Variants in PCNX1 observed in about 807,000 individuals in gnomAD.
The protein encoded by PCNX1 is pecanex-like protein 1.
A neutral mutation model predicts 242.2 loss-of-function variants in PCNX1; 78 were observed. The observed-to-expected ratio is 0.32, with a 90% confidence interval of 0.27 to 0.39. PCNX1 has a LOEUF of 0.39. Ranked by LOEUF, PCNX1 falls within the 10% of genes least tolerant of loss-of-function variation. The pLI, the probability that PCNX1 is intolerant of heterozygous loss-of-function variation, is 1.00. For synonymous variants in PCNX1, 1,024 were observed against 1,032.9 expected, an observed-to-expected ratio of 0.99 and a Z score of 0.17; for missense variants, 2,581 against 2,856.5, an observed-to-expected ratio of 0.90 and a Z score of 2.20.
chr14:70,989,865 G>A (rs760923439), intron 7 of PCNX1, among the ~76,000 whole-genome samples: 2 of 152,138 alleles, frequency 1.3e-5, no homozygotes, highest in South Asian at 4.1e-4. Flanking sequence ...ACATATGCCT[G>A]CTTAAGCAGT....
At chr14:71,039,682 C>T (rs993497829) in intron 19 of PCNX1, among the ~76,000 whole-genome samples, 2 of 152,160 alleles carry the variant, frequency 1.3e-5, no homozygotes, top group African/African-American at 4.8e-5. Context: ...CTACCACAGT[C>T]CATCAGTAGA....
chr14:70,982,665 A>G (rs184232977), intron 6 of PCNX1, among the ~76,000 whole-genome samples: 42 of 152,362 alleles, frequency 2.8e-4, no homozygotes, highest in African/African-American at 9.4e-4. Flanking sequence ...CCTTTACAAC[A>G]ATATCAAGAA....
intron 5 of PCNX1, among the ~76,000 whole-genome samples, chr14:70,970,774 C>A (rs1485397240): frequency 1.3e-5 from 2 of 152,178 alleles, no homozygotes; most frequent in Non-Finnish European, 2.9e-5. Context: ...TGAAAGGAGT[C>A]ATAAACGATA....
intron 1 of PCNX1, among the ~76,000 whole-genome samples, chr14:70,932,198 T>A (rs115085498): frequency 0.011 from 1,608 of 152,266 alleles, 13 homozygotes; most frequent in South Asian, 0.017. Context: ...AAACGAAACT[T>A]TTTCAACTTT....
At chr14:70,932,630 G>T (rs1253536313) in intron 1 of PCNX1, among the ~76,000 whole-genome samples, 1 of 149,672 alleles carries the variant, frequency 6.7e-6, no homozygotes, top group Non-Finnish European at 1.5e-5. Flanking sequence ...TTTATTTTTT[G>T]AGATGGAATT....
intron 1 of PCNX1, among the ~76,000 whole-genome samples, chr14:70,909,582 A>G (rs556821246): frequency 3.3e-5 from 5 of 152,356 alleles, no homozygotes; most frequent in Non-Finnish European, 7.3e-5. Flanking sequence ...TGCTGGGTCC[A>G]GTGTAAGATT....
intron 1 of PCNX1, among the ~76,000 whole-genome samples, chr14:70,919,726 C>T (rs1298139241): frequency 2.3e-5 from 1 of 44,388 alleles, no homozygotes; most frequent in Non-Finnish European, 7.6e-5. Context: ...CCCCCCCCCC[C>T]CCCACCAAAT....
intron 2 of PCNX1, among the ~76,000 whole-genome samples, chr14:70,959,560 C>G (rs1388856141): frequency 6.6e-6 from 1 of 151,814 alleles, no homozygotes; most frequent in South Asian, 2.1e-4. Flanking sequence ...GACAGGAACT[C>G]ATCATTTTTT....
chr14:70,914,834 T>C (rs1351857288), intron 1 of PCNX1, among the ~76,000 whole-genome samples: 2 of 152,186 alleles, frequency 1.3e-5, no homozygotes, highest in African/African-American at 4.8e-5. Context: ...CAATCTTCAG[T>C]GAACCATTCG....
chr14:71,089,405 CAAT>C (rs2062071033), intron 30 of PCNX1, 63 bp downstream of exon 30: 2 of 1,220,628 alleles, frequency 1.6e-6, no homozygotes, highest in African/African-American at 1.5e-5. Flanking sequence ...CACATGATTT[CAAT>C]ATTAGTCCAT....
chr14:71,058,962 CA>C (rs1469583953), intron 26 of PCNX1, among the ~76,000 whole-genome samples: 1 of 152,176 alleles, frequency 6.6e-6, no homozygotes, highest in African/African-American at 2.4e-5. Context: ...TAGGCTCATC[CA>C]AAAGTTAGCA....
intron 6 of PCNX1, among the ~76,000 whole-genome samples, chr14:70,981,184 A>G (rs933615530): frequency 6.6e-6 from 1 of 152,148 alleles, no homozygotes; most frequent in Non-Finnish European, 1.5e-5. Flanking sequence ...AGGACTAAGG[A>G]GTTAAGTTCC....
intron 2 of PCNX1, among the ~76,000 whole-genome samples, chr14:70,950,231 A>G (rs1331625526): frequency 6.6e-6 from 1 of 152,138 alleles, no homozygotes; most frequent in Non-Finnish European, 1.5e-5. Context: ...TGCATTGATG[A>G]ACTTCTTGAA....
At chr14:71,082,363 A>C (rs569220299) in intron 28 of PCNX1, among the ~76,000 whole-genome samples, 2 of 152,156 alleles carry the variant, frequency 1.3e-5, no homozygotes, top group Non-Finnish European at 2.9e-5. Context: ...TTCTGTAGAC[A>C]TCTATTAGGT....
rs1476881011 is a variant in PCNX1 at position 70,910,832 on chromosome 14, T to C, written c.153+2829T>C. Among the ~76,000 whole-genome samples, 8 of 152,186 alleles carry C rather than the reference T, an allele frequency of 5.3e-5. No individual in the cohort carries two copies. In the South Asian group the frequency reaches 8.3e-4, roughly 16 times the overall value. On this transcript the variant is annotated intron_variant, in intron 1 of 35. Transcript: ENST00000304743. ...AGTACTCCGATGAATGATTGAGAAG[T>C]GCACAAGACACAGCTTCTGCTTTCA...
intron 11 of PCNX1, among the ~76,000 whole-genome samples, chr14:71,016,082 A>G (rs535797484): frequency 1.3e-5 from 2 of 152,368 alleles, no homozygotes; most frequent in South Asian, 4.1e-4. Context: ...CCATGCTAAC[A>G]TTAACAAAAG....
At chr14:71,059,630 C>T (rs776561105) in intron 26 of PCNX1, among the ~76,000 whole-genome samples, 29 of 152,088 alleles carry the variant, frequency 1.9e-4, no homozygotes, top group Admixed American at 2.6e-4. Flanking sequence ...TGAGCTCAAG[C>T]GACCCTCCAG....
chr14:71,028,485 A>C (rs566557064), intron 15 of PCNX1, among the ~76,000 whole-genome samples: 1 of 151,924 alleles, frequency 6.6e-6, no homozygotes, highest in Non-Finnish European at 1.5e-5. Flanking sequence ...AGATGAACAT[A>C]TTTTATCTCG....
chr14:71,005,308 A>C (rs1396051533), intron 8 of PCNX1, among the ~76,000 whole-genome samples: 1 of 152,166 alleles, frequency 6.6e-6, no homozygotes, highest in Non-Finnish European at 1.5e-5. Context: ...ATTCGAGACC[A>C]GCCTGGGCAG....
Sources: gnomAD v4.1 joint callset for allele counts (sites outside exome capture counted in the v4.1 genomes callset) on GRCh38, gnomAD v4.1.1 for gene constraint, MANE v1.5 for transcripts, NCBI Gene and HGNC (gene_info 2026-07-23, HGNC 2026-07-21) for gene names.